DPYD: variants seen among roughly 807,000 people sequenced by gnomAD.
The protein encoded by DPYD is dihydropyrimidine dehydrogenase [NADP(+)].
A neutral mutation model predicts 116.2 loss-of-function variants in DPYD; 109 were observed. The ratio of observed to expected loss-of-function variants is 0.94; its 90% CI spans 0.80 to 1.10. The LOEUF is 1.10. Among genes scored for constraint, DPYD ranks in the 50% least tolerant of loss-of-function variants. DPYD has a pLI of 0.00. For missense variants in DPYD, 1,302 were observed against 1,254.5 expected, an observed-to-expected ratio of 1.04 and a Z score of -0.57; for synonymous variants, 440 against 432.0, an observed-to-expected ratio of 1.02 and a Z score of -0.23.
At chr1:97,329,466 G>A (rs942677509) in intron 16 of DPYD, among the ~76,000 whole-genome samples, 7 of 152,100 alleles carry the variant, frequency 4.6e-5, no homozygotes, top group Non-Finnish European at 8.8e-5. Context: ...TAATTTTGAG[G>A]CTGGGCGCAG....
At chr1:97,888,173 CA>C (rs1186896978) in intron 1 of DPYD, among the ~76,000 whole-genome samples, 1 of 151,932 alleles carries the variant, frequency 6.6e-6, no homozygotes, top group Non-Finnish European at 1.5e-5. Context: ...ATTATTTTAA[CA>C]AAAACAACAA....
chr1:97,639,662 T>A (rs546428618), intron 8 of DPYD, among the ~76,000 whole-genome samples: 2 of 152,280 alleles, frequency 1.3e-5, no homozygotes, highest in African/African-American at 4.8e-5. Context: ...ATAAATAGTC[T>A]ATGAAGCTGG....
At chr1:97,805,972 GA>G (rs1408681011) in intron 3 of DPYD, among the ~76,000 whole-genome samples, 4 of 151,690 alleles carry the variant, frequency 2.6e-5, no homozygotes, top group Non-Finnish European at 3.0e-5. Flanking sequence ...AGACCTGAAA[GA>G]AAAAAACTGA....
chr1:97,169,538 ATTT>A (rs1318645539), intron 20 of DPYD, among the ~76,000 whole-genome samples: 1 of 150,316 alleles, frequency 6.7e-6, no homozygotes, highest in Non-Finnish European at 1.5e-5. Flanking sequence ...ATTTTATTTT[ATTT>A]TATTTTATTT....
rs772343232 is a variant in DPYD at position 97,364,946 on chromosome 1, T to C, written c.2058+8615A>G. On this transcript the variant is annotated intron_variant, in intron 16 of 22. Transcript: ENST00000370192. The stretch of plus-strand genomic sequence containing the variant: ...TGGAAACCTTAAACTGACTGCACCA[T>C]AAAAGACTGACTACCTCAGCAGGAA... Among the ~76,000 whole-genome samples, 8 of 152,282 alleles carry C rather than the reference T, an allele frequency of 5.3e-5. No homozygotes were observed. In the South Asian group the frequency reaches 1.2e-3, roughly 24 times the overall value.
intron 18 of DPYD, among the ~76,000 whole-genome samples, chr1:97,250,045 G>A (rs1275280058): frequency 6.6e-6 from 1 of 152,200 alleles, no homozygotes; most frequent in Non-Finnish European, 1.5e-5. Context: ...GCCAAGGCGG[G>A]CGGATCACGA....
rs116011846 is a variant in DPYD, at chr1:97,173,602, T to C, written c.2622+19467A>G. 7.7e-3 allele frequency among the ~76,000 whole-genome samples: 1,171 copies of C among 151,466 alleles called. 16 individuals carry two copies. The highest frequency in any genetic ancestry group is 0.027 in the African/African-American group (1,120 of 41,234). On this transcript the variant is annotated intron_variant, in intron 20 of 22. Transcript: ENST00000370192. Reference sequence around the variant, plus strand: ...CATCAATGATAAAGAGTTTATCTTATTAATCACTCAATCTCAATTAACTAC... The same window carrying C: ...CATCAATGATAAAGAGTTTATCTTACTAATCACTCAATCTCAATTAACTAC...
intron 13 of DPYD, among the ~76,000 whole-genome samples, chr1:97,488,941 G>A (rs1005713812): frequency 2.6e-5 from 4 of 152,164 alleles, no homozygotes; most frequent in Admixed American, 1.3e-4. Flanking sequence ...GCTCCACAAC[G>A]AGCTGTACCT....
At chr1:97,577,825 T>A (rs1249666112) in intron 10 of DPYD, among the ~76,000 whole-genome samples, 1 of 152,040 alleles carries the variant, frequency 6.6e-6, no homozygotes, top group African/African-American at 2.4e-5. Context: ...TGTTATTTTT[T>A]ATTTTATTTT....
intron 3 of DPYD, among the ~76,000 whole-genome samples, chr1:97,789,610 T>C (rs1433675521): frequency 1.3e-5 from 2 of 152,338 alleles, no homozygotes; most frequent in African/African-American, 4.8e-5. Context: ...TAAATAGCCT[T>C]GTTTTTTCTG....
At chr1:97,131,923 C>T (rs562942232) in intron 20 of DPYD, among the ~76,000 whole-genome samples, 2 of 152,126 alleles carry the variant, frequency 1.3e-5, no homozygotes, top group East Asian at 3.9e-4. Flanking sequence ...TTTTCCTTTA[C>T]TTAAATGATT....
chr1:97,278,322 T>C (rs1250019482), intron 18 of DPYD, among the ~76,000 whole-genome samples: 1 of 152,160 alleles, frequency 6.6e-6, no homozygotes, highest in African/African-American at 2.4e-5. Flanking sequence ...CAAATCTGTG[T>C]TTTTGATAAT....
At chr1:97,728,595 A>G (rs567290686) in intron 4 of DPYD, among the ~76,000 whole-genome samples, 25 of 152,052 alleles carry the variant, frequency 1.6e-4, no homozygotes, top group Non-Finnish European at 2.8e-4. Context: ...CCTTCTTCCA[A>G]TGACAGTTTT....
intron 11 of DPYD, among the ~76,000 whole-genome samples, chr1:97,558,732 T>C (rs921429675): frequency 6.6e-6 from 1 of 152,210 alleles, no homozygotes; most frequent in Admixed American, 6.5e-5. Flanking sequence ...ATTTGTATTC[T>C]ATTGGAAGTT....
intron 15 of DPYD, among the ~76,000 whole-genome samples, chr1:97,379,512 T>A (rs1262002030): frequency 1.3e-5 from 2 of 152,092 alleles, no homozygotes; most frequent in Non-Finnish European, 2.9e-5. Context: ...TATCTTCACA[T>A]CTCCTATAGT....
intron 10 of DPYD, among the ~76,000 whole-genome samples, chr1:97,588,133 T>C (rs1471435146): frequency 6.6e-6 from 1 of 152,166 alleles, no homozygotes; most frequent in African/African-American, 2.4e-5. Context: ...TAAAGTAGCA[T>C]TAATTATCAA....
At chr1:97,521,373 T>C in intron 12 of DPYD, among the ~76,000 whole-genome samples, 1 of 152,152 alleles carries the variant, frequency 6.6e-6, no homozygotes, top group East Asian at 1.9e-4. Context: ...GAAGGACTTC[T>C]TCAAGGAGAA....
chr1:97,844,404 C>A (rs966643248), intron 2 of DPYD, among the ~76,000 whole-genome samples: 1 of 152,122 alleles, frequency 6.6e-6, no homozygotes, highest in Non-Finnish European at 1.5e-5. Context: ...AGAGTTGGAA[C>A]TTTTAGCCCC....
At chr1:97,785,349 CTG>C (rs768475041) in intron 3 of DPYD, among the ~76,000 whole-genome samples, 13 of 152,272 alleles carry the variant, frequency 8.5e-5, no homozygotes, top group Non-Finnish European at 1.6e-4. Context: ...TTTCTTCTAT[CTG>C]TGTGTTCTTC....
Sources: gnomAD v4.1 joint callset for allele counts (sites outside exome capture counted in the v4.1 genomes callset) on GRCh38, gnomAD v4.1.1 for gene constraint, MANE v1.5 for transcripts, NCBI Gene and HGNC (gene_info 2026-07-23, HGNC 2026-07-21) for gene names.